The following SF3A1 variants were observed in gnomAD, a reference collection of about 807,000 sequenced individuals.
The protein encoded by SF3A1 is SAP 114.
SF3A1 carries 13 observed loss-of-function variants against 89.9 expected under a neutral mutation model. The observed-to-expected ratio is 0.14, with a 90% CI of 0.09 to 0.23. The LOEUF is 0.23. Ranked by LOEUF, SF3A1 falls within the 10% of genes least tolerant of loss-of-function variation. The pLI is 1.00. For missense variants in SF3A1, 604 were observed against 1,022.1 expected, an observed-to-expected ratio of 0.59 and a Z score of 5.58; for synonymous variants, 405 against 374.4, an observed-to-expected ratio of 1.08 and a Z score of -0.94.
chr22:30,355,748 G>C (rs939668987), intron 1 of SF3A1, among the ~76,000 whole-genome samples: 1 of 151,726 alleles, frequency 6.6e-6, no homozygotes, highest in African/African-American at 2.4e-5. Context: ...CCCAATGCCT[G>C]GGAAAATGCC....
chr22:30,337,408 C>T (rs934421989), intron 12 of SF3A1, among the ~76,000 whole-genome samples: 1 of 152,196 alleles, frequency 6.6e-6, no homozygotes, highest in Non-Finnish European at 1.5e-5. Context: ...ATGGATGGAG[C>T]TAGTGCCAAG....
rs771344919 is a variant in SF3A1, at chr22:30,340,737, T to C, written c.1147A>G (p.Thr383Ala). The change falls in exon 8 of 16, where the codon ACT becomes GCT. Residue 383 changes from threonine to alanine, a missense_variant. Coordinates refer to ENST00000215793, the MANE Select transcript of SF3A1 (RefSeq NM_005877.6). ...TTGCGGACAATGACTTGGTCTGGAG[T>C]TGGGGGCAGAGGTGGAGGCATGGGT... is the stretch of plus-strand genomic sequence containing the variant. ...ETPMPPPLPP[T>A]PDQVIVRKDY... is the part of the protein sequence containing the mutation. 1.2e-6 allele frequency: 2 copies of C among 1,607,606 alleles called. No individual in the cohort carries two copies. Among genetic ancestry groups the C allele is most frequent in the East Asian group, 2.2e-5 (1 of 44,472 alleles).
rs557184623 is a variant in SF3A1, at chr22:30,337,237, G to A, written c.1952-57C>T. On this transcript the variant is annotated intron_variant, in intron 12 of 15. Coordinates refer to ENST00000215793, the MANE Select transcript of SF3A1 (RefSeq NM_005877.6). The stretch of plus-strand genomic sequence containing the variant: ...AGGGCAGAAGGGGCCCAGGACTCAG[G>A]GCTGATGAGAAGTTGAGAGGGAAGG... The A allele has an allele frequency of 4.0e-6, 6 of 1,497,920 alleles. No homozygotes were observed. The South Asian group carries it at 6.5e-5, about 16-fold the overall frequency. 92.8% of individuals were successfully genotyped at this position (1,497,920 alleles called of 1,614,324 possible). A position where few individuals can be genotyped will look rare whatever the true frequency, so the allele number is the denominator to read the frequency against.
intron 6 of SF3A1, 91 bp downstream of exon 6, chr22:30,342,109 A>G: frequency 6.8e-7 from 1 of 1,464,742 alleles, no homozygotes; most frequent in South Asian, 1.1e-5. Context: ...CCTCTGAGAG[A>G]TTCTACTGCT....
chr22:30,346,134 T>C, intron 3 of SF3A1, 178 bp downstream of exon 3: 1 of 601,716 alleles, frequency 1.7e-6, no homozygotes, highest in Non-Finnish European at 3.0e-6. Context: ...GCTCGGGAAA[T>C]GCCAACTAAC....
Position 30,334,634 on chromosome 22 carries a change from A to C in SF3A1, c.2342T>G (p.Ile781Ser), listed in dbSNP as rs1931012252. Reference protein sequence around the residue: ...AYYNMANGAVIHLALKERGGR... With the variant: ...AYYNMANGAVSHLALKERGGR... The stretch of plus-strand genomic sequence containing the variant: ...GCCTCTCTCCTTGAGGGCCAGGTGG[A>C]TGACTGCGCCATTGGCCATGTTGTA... The change falls in exon 16 of 16, where the codon ATC (isoleucine) becomes AGC (serine). Residue 781 changes from isoleucine to serine, a missense_variant. By Grantham distance (142) the Ile-to-Ser change is moderately radical. Transcript: ENST00000215793. The C allele has an allele frequency of 6.3e-7, 1 of 1,582,384 alleles. No homozygotes were observed. Among genetic ancestry groups the C allele is most frequent in the Non-Finnish European group, 8.6e-7 (1 of 1,168,736 alleles).
chr22:30,338,607 C>T (rs1284177329), intron 11 of SF3A1, among the ~76,000 whole-genome samples, 182 bp downstream of exon 11: 4 of 151,908 alleles, frequency 2.6e-5, no homozygotes, highest in Non-Finnish European at 5.9e-5. Flanking sequence ...CTGTTCCAAC[C>T]CTCCTCCACA....
chr22:30,346,319 G>A lies in SF3A1; in HGVS notation c.386C>T (p.Pro129Leu). ...QQQQTTQQQLPQKVQAQVIQE... is the reference protein window; with the variant it reads ...QQQQTTQQQLLQKVQAQVIQE... The stretch of plus-strand genomic sequence containing the variant: ...GGGCACTGGGCTCCAAACCTTCTGG[G>A]GCAGCTGCTGCTGGGTGGTCTGCTG... The change falls in exon 3 of 16, where the codon CCC becomes CTC. Residue 129 changes from proline to leucine, a missense_variant. Pro to Leu is a moderately conservative substitution (Grantham distance 98, BLOSUM62 -3). Around this residue, in one of 9 missense-constraint regions of SF3A1, gnomAD observed 162 missense variants for 229.2 expected, o/e 0.71. Transcript: ENST00000215793. 1.2e-6 allele frequency: 2 copies of A among 1,608,198 alleles called. No individual in the cohort carries two copies. Among genetic ancestry groups the A allele is most frequent in the South Asian group, 1.1e-5 (1 of 90,956 alleles).
Position 30,337,896 on chromosome 22 carries a change from A to C in SF3A1, c.1745T>G (p.Met582Arg), listed in dbSNP as rs569090702. 6.2e-7 allele frequency: 1 copy of C among 1,600,436 alleles called. No homozygotes were observed. Among genetic ancestry groups the C allele is most frequent in the African/African-American group, 1.3e-5 (1 of 74,970 alleles). The change falls in exon 12 of 16, where the codon ATG (methionine) becomes AGG (arginine). Residue 582 changes from methionine (M) to arginine (R), a missense_variant and splice_region_variant. Physicochemically the swap from Met to Arg is moderately conservative, Grantham distance 91 (BLOSUM62 -1). This residue lies in a region of SF3A1 where 85 missense variants were observed against 137.3 expected (regional missense o/e 0.62). Coordinates refer to ENST00000215793, the MANE Select transcript of SF3A1 (RefSeq NM_005877.6). The part of the protein sequence containing the change: ...PITSVPRPPT[M>R]PPPVRTTVVS... ...AACTGTAGTACGAACTGGAGGTGGC[A>C]TCTGTGCAGGAAAGAGACCCACAGA...
intron 2 of SF3A1, among the ~76,000 whole-genome samples, chr22:30,348,121 C>G (rs1173520969): frequency 6.6e-6 from 1 of 152,252 alleles, no homozygotes; most frequent in Non-Finnish European, 1.5e-5. Context: ...TAGGCGTGAG[C>G]CACTGAACCC....
At position 30,332,504 on chromosome 22, in the gene SF3A1, C is replaced by A. The variant is rs1374041399; in HGVS notation, c.*2090G>T. The A allele has an allele frequency of 6.6e-6, 1 of 152,220 alleles. No homozygotes were observed. The highest frequency in any genetic ancestry group is 2.4e-5 in the African/African-American group (1 of 41,434). The allele number at this position is 152,220 out of a possible 1,614,324, so 9.4% of individuals were successfully genotyped here. A position where few individuals can be genotyped will look rare whatever the true frequency, so the allele number is the denominator to read the frequency against. On this transcript the variant is annotated 3_prime_UTR_variant, in exon 16 of 16. Coordinates refer to ENST00000215793, the MANE Select transcript of SF3A1 (RefSeq NM_005877.6). Reference sequence around the variant, plus strand: ...TCCAGAGCACTCACTGGCTACATGACCTTGGGTATTCCACCTCGTTTTAAA... The same window carrying A: ...TCCAGAGCACTCACTGGCTACATGAACTTGGGTATTCCACCTCGTTTTAAA...
chr22:30,335,357 C>G (rs577051820), intron 15 of SF3A1, 110 bp downstream of exon 15: 1 of 935,880 alleles, frequency 1.1e-6, no homozygotes, highest in Non-Finnish European at 1.7e-6. Context: ...TTCAGATGGC[C>G]ACACCCAGAT....
At chr22:30,338,657 CTCTT>C (rs771216186) in intron 11 of SF3A1, 128 bp downstream of exon 11, 25 of 1,120,568 alleles carry the variant, frequency 2.2e-5, no homozygotes, top group Non-Finnish European at 2.7e-5. Context: ...ATTTAAAGGG[CTCTT>C]TCTCTTTCAA....
At position 30,339,223 on chromosome 22, in the gene SF3A1, C is replaced by G; in HGVS notation, c.1404G>C (p.Gln468His). The change falls in exon 10 of 16, where the codon CAG (glutamine) becomes CAC (histidine). Residue 468 changes from glutamine (Q) to histidine (H), a missense_variant. This residue lies in a region of SF3A1 where 22 missense variants were observed against 116.0 expected (regional missense o/e 0.19). Coordinates refer to ENST00000215793, the MANE Select transcript of SF3A1 (RefSeq NM_005877.6). ...AGATGTCAGTACGCCGCTCAGCCAACTGCTTCAAGCTGCTCTCAATATCCA... is the reference window on the plus strand; with the variant it reads ...AGATGTCAGTACGCCGCTCAGCCAAGTGCTTCAAGCTGCTCTCAATATCCA... The part of the protein sequence containing the change: ...PGLDIESSLK[Q>H]LAERRTDIFG... The G allele has an allele frequency of 6.2e-7, 1 of 1,614,100 alleles. No individual in the cohort carries two copies. Among genetic ancestry groups the G allele is most frequent in the Non-Finnish European group, 8.5e-7 (1 of 1,180,040 alleles).
chr22:30,342,967 G>T, intron 4 of SF3A1, 88 bp from the exon 5 acceptor site: 1 of 805,014 alleles, frequency 1.2e-6, no homozygotes, highest in Non-Finnish European at 2.1e-6. Flanking sequence ...TAAAGCACAG[G>T]AGATGAGGAA....
rs933744407 is a variant in SF3A1 at position 30,339,389 on chromosome 22, C to T, written c.1376-138G>A. 5.6e-6 allele frequency: 6 copies of T among 1,070,252 alleles called. No homozygotes were observed. The East Asian group carries it at 7.3e-5, about 13-fold the overall frequency. 66.3% of individuals were successfully genotyped at this position (1,070,252 alleles called of 1,614,324 possible). ...GGTGACTCAGGGCCCCAACTCTTGT[C>T]CTCTGGGCTCGGGGAAAGCTGCCCG... is the stretch of plus-strand genomic sequence containing the variant. On this transcript the variant is annotated intron_variant, in intron 9 of 15. Transcript: ENST00000215793.
intron 11 of SF3A1, among the ~76,000 whole-genome samples, chr22:30,338,209 A>G (rs539104484): frequency 2.6e-5 from 4 of 152,172 alleles, no homozygotes; most frequent in Non-Finnish European, 5.9e-5. Context: ...CTGTAATCTC[A>G]GCACTTTGGG....
chr22:30,352,223 G>A (rs1483502046), intron 2 of SF3A1, among the ~76,000 whole-genome samples: 3 of 152,070 alleles, frequency 2.0e-5, no homozygotes, highest in African/African-American at 7.2e-5. Context: ...GAGACAGGAG[G>A]AACTCAGAGC....
rs1438968887 is a variant in SF3A1 at position 30,334,458 on chromosome 22, T to C, written c.*136A>G. On this transcript the variant is annotated 3_prime_UTR_variant, in exon 16 of 16. Coordinates refer to ENST00000215793, the MANE Select transcript of SF3A1 (RefSeq NM_005877.6). ...GGGGAATGAACCTCTGCAGGACAATTTGAATTCCCAAACTGAGTAAGAGCG... is the reference window on the plus strand; with the variant it reads ...GGGGAATGAACCTCTGCAGGACAATCTGAATTCCCAAACTGAGTAAGAGCG... 2 of 603,804 alleles carry C rather than the reference T, an allele frequency of 3.3e-6. No individual in the cohort carries two copies. Among genetic ancestry groups the C allele is most frequent in the East Asian group, 6.2e-5 (2 of 32,404 alleles). 37.4% of individuals were successfully genotyped at this position (603,804 alleles called of 1,614,324 possible). A position where few individuals can be genotyped will look rare whatever the true frequency, so the allele number is the denominator to read the frequency against.
Sources: gnomAD v4.1 joint callset for allele counts (sites outside exome capture counted in the v4.1 genomes callset) on GRCh38, gnomAD v4.1.1 for gene constraint, gnomAD v4.1.1 regional missense constraint, MANE v1.5 for transcripts, NCBI Gene and HGNC (gene_info 2026-07-23, HGNC 2026-07-21) for gene names.